Variants in SORCS1 observed in about 807,000 individuals in gnomAD.
The protein encoded by SORCS1 is VPS10 domain-containing receptor SorCS1.
SORCS1 carries 60 observed loss-of-function variants against 146.1 expected under a neutral mutation model. That is an observed-to-expected ratio of 0.41 (90% CI 0.33 to 0.51). The LOEUF (loss-of-function observed/expected upper bound fraction) is 0.51, where lower values mean the gene tolerates loss of function less well. Ranked by LOEUF, SORCS1 falls within the 20% of genes least tolerant of loss-of-function variation. The pLI is 0.21. For missense variants in SORCS1, 1,352 were observed against 1,487.6 expected, an observed-to-expected ratio of 0.91 and a Z score of 1.50; for synonymous variants, 637 against 584.0, an observed-to-expected ratio of 1.09 and a Z score of -1.31.
At chr10:107,032,918 G>A (rs909144439) in intron 1 of SORCS1, among the ~76,000 whole-genome samples, 1 of 152,122 alleles carries the variant, frequency 6.6e-6, no homozygotes, top group Non-Finnish European at 1.5e-5. Flanking sequence ...AATCACCACT[G>A]AACCTGTCCA....
chr10:107,037,071 C>A (rs1265641684), intron 1 of SORCS1, among the ~76,000 whole-genome samples: 2 of 151,642 alleles, frequency 1.3e-5, no homozygotes, highest in East Asian at 3.9e-4. Context: ...CATGGTGAAA[C>A]CCCTGCTCTA....
chr10:106,638,167 C>T (rs900240661), intron 18 of SORCS1, among the ~76,000 whole-genome samples: 1 of 152,156 alleles, frequency 6.6e-6, no homozygotes, highest in Non-Finnish European at 1.5e-5. Flanking sequence ...CATCAGCAGG[C>T]TCTGGCTAGA....
chr10:106,898,604 G>C (rs955611860), intron 2 of SORCS1, among the ~76,000 whole-genome samples: 3 of 152,204 alleles, frequency 2.0e-5, no homozygotes, highest in Non-Finnish European at 2.9e-5. Flanking sequence ...CTGTCAGGGT[G>C]CAAATCTAGG....
intron 23 of SORCS1, among the ~76,000 whole-genome samples, chr10:106,599,769 CTT>C (rs548263701): frequency 1.1e-4 from 16 of 144,024 alleles, no homozygotes; most frequent in Non-Finnish European, 1.1e-4. Flanking sequence ...TTCTTTCTTT[CTT>C]TTTTTTTTTT....
In SORCS1 at chr10:106,673,197, T is replaced by G. The variant is rs183824733; in HGVS notation, c.1941-212A>C. On this transcript the variant is annotated intron_variant, in intron 14 of 25. Transcript: ENST00000263054. ...ACCAGGCTGGAGCGCAGTGGTGCGA[T>G]CTCGGCTCACTACAACCCCTGACTC... 4.6e-4 allele frequency among the ~76,000 whole-genome samples: 70 copies of G among 151,130 alleles called. No individual in the cohort carries two copies. The South Asian group carries it at 7.4e-3, about 16-fold the overall frequency.
intron 1 of SORCS1, among the ~76,000 whole-genome samples, chr10:106,977,804 T>C (rs1184339810): frequency 2.0e-5 from 3 of 152,226 alleles, no homozygotes; most frequent in African/African-American, 7.2e-5. Context: ...TGACACATAG[T>C]ACGGCTTCGA....
intron 6 of SORCS1, among the ~76,000 whole-genome samples, chr10:106,713,003 GGT>G (rs1855105745): frequency 6.6e-6 from 1 of 152,150 alleles, no homozygotes; most frequent in South Asian, 2.1e-4. Flanking sequence ...ACCTAGTACT[GGT>G]ACATGAGAAG....
intron 24 of SORCS1, among the ~76,000 whole-genome samples, chr10:106,589,218 G>T (rs1490858455): frequency 6.6e-6 from 1 of 152,152 alleles, no homozygotes; most frequent in Non-Finnish European, 1.5e-5. Context: ...GTTGTTATTT[G>T]CTATTTAGGA....
chr10:106,864,114 G>A (rs1435114502), intron 2 of SORCS1, among the ~76,000 whole-genome samples: 1 of 152,162 alleles, frequency 6.6e-6, no homozygotes, highest in Non-Finnish European at 1.5e-5. Context: ...AAAATCTAAA[G>A]TTGGCTCACT....
intron 2 of SORCS1, among the ~76,000 whole-genome samples, chr10:106,951,849 C>T (rs1015607596): frequency 1.6e-4 from 24 of 152,118 alleles, no homozygotes; most frequent in African/African-American, 5.6e-4. Flanking sequence ...GGCAGGTTTT[C>T]TGAGCATAAA....
At chr10:106,699,761 A>C (rs1046664106) in intron 8 of SORCS1, among the ~76,000 whole-genome samples, 8 of 152,174 alleles carry the variant, frequency 5.3e-5, no homozygotes, top group African/African-American at 1.9e-4. Context: ...TATGGGGTAG[A>C]TATGAGGAAA....
At chr10:106,649,754 C>T (rs1201984733) in intron 18 of SORCS1, among the ~76,000 whole-genome samples, 1 of 152,028 alleles carries the variant, frequency 6.6e-6, no homozygotes, top group Non-Finnish European at 1.5e-5. Context: ...TGTGTTAGAC[C>T]TTTTTATCAT....
chr10:106,975,771 A>C (rs185515687), intron 1 of SORCS1, among the ~76,000 whole-genome samples: 3 of 152,312 alleles, frequency 2.0e-5, no homozygotes, highest in Admixed American at 1.3e-4. Flanking sequence ...GCAATCCTGT[A>C]ATACTGACCT....
At chr10:106,990,093 GAA>G (rs773439313) in intron 1 of SORCS1, among the ~76,000 whole-genome samples, 142 of 152,246 alleles carry the variant, frequency 9.3e-4, no homozygotes, top group African/African-American at 2.9e-3. Context: ...CTTTTGCAAT[GAA>G]AATACCTCTG....
intron 2 of SORCS1, among the ~76,000 whole-genome samples, chr10:106,855,243 C>A (rs1032290379): frequency 2.0e-5 from 3 of 152,128 alleles, no homozygotes; most frequent in Non-Finnish European, 2.9e-5. Flanking sequence ...ATGTATTTTT[C>A]ATCTGTGCCT....
Position 106,636,523 on chromosome 10 carries a change from T to TA in SORCS1, c.2476-7136dup, listed in dbSNP as rs150233719. Among the ~76,000 whole-genome samples, 1,193 of 152,252 alleles carry TA rather than the reference T, an allele frequency of 7.8e-3. 15 individuals carry two copies. Among genetic ancestry groups the TA allele is most frequent in the African/African-American group, 0.027 (1,123 of 41,536 alleles). ...TGGCTAGGGAAGGCCTCAGGAAACT[T>TA]ACAATCATAGTGGAAGGGAAAGCAG... is the stretch of plus-strand genomic sequence containing the variant. On this transcript the variant is annotated intron_variant, in intron 18 of 25. Coordinates refer to ENST00000263054, the MANE Select transcript of SORCS1 (RefSeq NM_052918.5).
At chr10:106,737,048 T>TGCATGTGA (rs1554915874) in intron 5 of SORCS1, among the ~76,000 whole-genome samples, 1 of 55,162 alleles carries the variant, frequency 1.8e-5, no homozygotes, top group Admixed American at 2.1e-4. Flanking sequence ...TGTGTGTGTG[T>TGCATGTGA]GTGTGCATGT....
rs553551380 is a variant in SORCS1 at position 106,915,772 on chromosome 10, T to C, written c.626+40741A>G. On this transcript the variant is annotated intron_variant, in intron 2 of 25. Coordinates refer to ENST00000263054, the MANE Select transcript of SORCS1 (RefSeq NM_052918.5). ...TACAGATGTCTGACTTCCAATAATG[T>C]ATTGCCCCCTTCCAGTTTGTTGCAC... 1.0e-3 allele frequency among the ~76,000 whole-genome samples: 155 copies of C among 152,336 alleles called. 2 individuals are homozygous for C. In the South Asian group the frequency reaches 0.03, roughly 30 times the overall value.
At chr10:106,963,549 C>T (rs1483739077) in intron 1 of SORCS1, among the ~76,000 whole-genome samples, 1 of 152,140 alleles carries the variant, frequency 6.6e-6, no homozygotes, top group Non-Finnish European at 1.5e-5. Context: ...GACTTTCCAA[C>T]TTAAACAGAG....
Sources: gnomAD v4.1 joint callset for allele counts (sites outside exome capture counted in the v4.1 genomes callset) on GRCh38, gnomAD v4.1.1 for gene constraint, MANE v1.5 for transcripts, NCBI Gene and HGNC (gene_info 2026-07-23, HGNC 2026-07-21) for gene names.